The following CRAMP1 variants were observed in gnomAD, a reference collection of about 807,000 sequenced individuals.
CRAMP1 encodes the protein cramped chromatin regulator 1.
CRAMP1 carries 50 observed loss-of-function variants against 115.4 expected under a neutral mutation model. That is an observed-to-expected ratio of 0.43 (90% CI 0.35 to 0.55). The LOEUF is 0.55. Ranked by LOEUF, CRAMP1 falls within the 20% of genes least tolerant of loss-of-function variation. CRAMP1 has a pLI of 0.01. For synonymous variants in CRAMP1, 866 were observed against 745.4 expected (o/e 1.16, Z -2.64); for missense variants, 1,679 against 1,721.7 (o/e 0.98, Z 0.44).
chr16:1,615,259 G>A (rs1030227449), intron 2 of CRAMP1, among the ~76,000 whole-genome samples: 2 of 152,200 alleles, frequency 1.3e-5, no homozygotes, highest in Admixed American at 1.3e-4. Context: ...CCTTTCCAAA[G>A]GATCACTGAT....
chr16:1,668,932 G>A, intron 18 of CRAMP1, 69 bp from the exon 19 acceptor site: 1 of 1,467,190 alleles, frequency 6.8e-7, no homozygotes. Context: ...TCCGTGGTGG[G>A]CTGGAGAAGT....
Position 1,614,851 on chromosome 16 carries a change from C to A in CRAMP1, c.212C>A (p.Pro71Gln), listed in dbSNP as rs2036403746. The A allele has an allele frequency of 3.9e-6, 5 of 1,293,466 alleles. No individual in the cohort carries two copies. The highest frequency in any genetic ancestry group is 7.6e-5 in the Admixed American group (2 of 26,238). The allele number at this position is 1,293,466 out of a possible 1,614,324, so 80.1% of individuals were successfully genotyped here. A position where few individuals can be genotyped will look rare whatever the true frequency, so the allele number is the denominator to read the frequency against. Residue 71 changes from proline (P) to glutamine (Q), a missense_variant, in exon 2 of 21, where the codon CCG (proline) becomes CAG (glutamine). Physicochemically the swap from Pro to Gln is moderately conservative, Grantham distance 76. Coordinates refer to ENST00000397412, the MANE Select transcript of CRAMP1 (RefSeq NM_020825.4). The surrounding 1 kb of genome is among the most constrained non-coding windows in gnomAD (Gnocchi z 4.4). ...CCCGGCGCGCCGCAGGCGCCGTCCCCGCCGCAGGGCAGCCCCCAGGACCAG... is the reference window on the plus strand; with the variant it reads ...CCCGGCGCGCCGCAGGCGCCGTCCCAGCCGCAGGGCAGCCCCCAGGACCAG... ...APPGAPQAPS[P>Q]PQGSPQDQHH...
Position 1,672,072 on chromosome 16 carries a change from C to T in CRAMP1, c.3645+1263C>T, listed in dbSNP as rs1049399508. ...AAGTGCTGGGCTCTGTGGAGATGGG[C>T]GCTGCGTACGTGCCCTGAGGCAGCA... On this transcript the variant is annotated intron_variant, in intron 20 of 20. Transcript: ENST00000397412. This position sits in a 1 kb window ranked among gnomAD's most constrained non-coding sequence, Gnocchi z 4.9. Among the ~76,000 whole-genome samples the T allele has an allele frequency of 4.6e-5, 7 of 152,144 alleles. No homozygotes were observed. Among genetic ancestry groups the T allele is most frequent in the African/African-American group, 7.2e-5 (3 of 41,436 alleles).
chr16:1,639,692 G>A (rs1451020108), intron 5 of CRAMP1, among the ~76,000 whole-genome samples: 2 of 152,124 alleles, frequency 1.3e-5, no homozygotes, highest in African/African-American at 2.4e-5. Flanking sequence ...GTAAATGTCC[G>A]ATTGCTTTCT....
intron 1 of CRAMP1, among the ~76,000 whole-genome samples, chr16:1,613,553 G>A (rs189410953): frequency 6.6e-6 from 1 of 152,264 alleles, no homozygotes; most frequent in African/African-American, 2.4e-5. Context: ...TGCCCGTCCC[G>A]GACTGTTTCT....
intron 6 of CRAMP1, 38 bp downstream of exon 6, chr16:1,641,225 G>A: frequency 6.8e-7 from 1 of 1,471,258 alleles, no homozygotes; most frequent in Non-Finnish European, 9.5e-7. Flanking sequence ...CACTTCTCTG[G>A]GTGTTTTGTG....
chr16:1,659,684 G>A (rs563229804), intron 10 of CRAMP1, among the ~76,000 whole-genome samples: 4 of 152,350 alleles, frequency 2.6e-5, no homozygotes, highest in African/African-American at 9.6e-5. Context: ...ACCGCACCTG[G>A]CCGACCAGTA....
intron 1 of CRAMP1, among the ~76,000 whole-genome samples, chr16:1,613,153 G>A (rs560362225): frequency 6.6e-6 from 1 of 152,296 alleles, no homozygotes; most frequent in East Asian, 1.9e-4. Context: ...AGTGGAAAGA[G>A]GTGGGTTGAG....
At position 1,668,185 on chromosome 16, in the gene CRAMP1, G is replaced by A; in HGVS notation, c.3326G>A (p.Gly1109Asp). Residue 1109 changes from glycine (G) to aspartate (D), a missense_variant, in exon 18 of 21, where the codon GGT becomes GAT. Physicochemically the swap from Gly to Asp is moderately conservative, Grantham distance 94. Coordinates refer to ENST00000397412, the MANE Select transcript of CRAMP1 (RefSeq NM_020825.4). The stretch of plus-strand genomic sequence containing the variant: ...ATCATTGAGATCGCCATCAGCTCCG[G>A]TCAGTACGGTAAGGGCAGGGCGGCC... ...DSIIEIAISS[G>D]QYGEGVPLSP... 6.2e-7 allele frequency: 1 copy of A among 1,612,918 alleles called. No homozygotes were observed. The highest frequency in any genetic ancestry group is 8.5e-7 in the Non-Finnish European group (1 of 1,179,350).
At chr16:1,623,281 G>A (rs186689264) in intron 2 of CRAMP1, among the ~76,000 whole-genome samples, 10 of 152,336 alleles carry the variant, frequency 6.6e-5, no homozygotes, top group South Asian at 4.1e-4. Context: ...AGTGAGTGCC[G>A]CTTCACCAGC....
At position 1,656,542 on chromosome 16, in the gene CRAMP1, C is replaced by T. The variant is rs1048724898; in HGVS notation, c.1785C>T (p.Ala595=). The change falls in exon 10 of 21, where the codon GCC becomes GCT. Residue 595 remains alanine, a synonymous_variant. Coordinates refer to ENST00000397412, the MANE Select transcript of CRAMP1 (RefSeq NM_020825.4). This position sits in a 1 kb window ranked among gnomAD's most constrained non-coding sequence, Gnocchi z 5.6. ...GSEQPPLGGA[A]SPEVLAPVSK... ...AGCAGCCCCCTCTGGGCGGGGCGGC[C>T]TCCCCAGAGGTGCTGGCTCCTGTCA... 10 of 1,558,218 alleles carry T rather than the reference C, an allele frequency of 6.4e-6. No individual in the cohort carries two copies. Among genetic ancestry groups the T allele is most frequent in the Non-Finnish European group, 8.7e-6 (10 of 1,151,834 alleles).
chr16:1,617,144 G>T (rs1452885928), intron 2 of CRAMP1, among the ~76,000 whole-genome samples: 1 of 152,174 alleles, frequency 6.6e-6, no homozygotes, highest in African/African-American at 2.4e-5. Context: ...ATATCTTTAA[G>T]CAAATAATAA....
chr16:1,638,559 T>C (rs2036607117), intron 5 of CRAMP1, among the ~76,000 whole-genome samples: 1 of 152,120 alleles, frequency 6.6e-6, no homozygotes, highest in Non-Finnish European at 1.5e-5. Flanking sequence ...GACCTCTAGG[T>C]AGGGACATTG....
rs1240189083 is a variant in CRAMP1 at position 1,612,432 on chromosome 16, G to C, written c.-227G>C. ...GGCCGGCTTCGCTAGGGTGAGTGGC[G>C]GCAGTATCTGCGTCCGCAGCCCCCG... On this transcript the variant is annotated 5_prime_UTR_variant, in exon 1 of 21. Transcript: ENST00000397412. 6.6e-6 allele frequency: 1 copy of C among 151,420 alleles called. No individual in the cohort carries two copies. The highest frequency in any genetic ancestry group is 1.9e-4 in the East Asian group (1 of 5,162). 9.4% of individuals were successfully genotyped at this position (151,420 alleles called of 1,614,324 possible). A position where few individuals can be genotyped will look rare whatever the true frequency, so the allele number is the denominator to read the frequency against.
rs1285496501 is a variant in CRAMP1 at position 1,670,769 on chromosome 16, G to A, written c.3605G>A (p.Arg1202Gln). 3.7e-6 allele frequency: 6 copies of A among 1,613,878 alleles called. No homozygotes were observed. The highest frequency in any genetic ancestry group is 2.2e-5 in the South Asian group (2 of 91,090). Reference sequence around the variant, plus strand: ...CCCAGCTTGTTGGATGGAAACTCGCGGGACTCATTTGTGTCCAGGTCCCTG... The same window carrying A: ...CCCAGCTTGTTGGATGGAAACTCGCAGGACTCATTTGTGTCCAGGTCCCTG... The part of the protein sequence containing the change: ...LGPSLLDGNS[R>Q]DSFVSRSLAD... The change falls in exon 20 of 21, where the codon CGG (arginine) becomes CAG (glutamine). Residue 1202 changes from arginine (R) to glutamine (Q), a missense_variant. By Grantham distance (43) the Arg-to-Gln change is conservative (BLOSUM62 1). Around this residue, in one of 8 missense-constraint regions of CRAMP1, gnomAD observed 709 missense variants for 741.9 expected, o/e 0.96. Transcript: ENST00000397412.
intron 2 of CRAMP1, chr16:1,620,759 C>T (rs749910475): frequency 4.0e-5 from 18 of 450,134 alleles, no homozygotes; most frequent in Non-Finnish European, 7.2e-5. Flanking sequence ...TCCCCCACCA[C>T]GACCCTGATC....
intron 17 of CRAMP1, 91 bp from the exon 18 acceptor site, chr16:1,667,871 C>T: frequency 1.3e-6 from 1 of 792,618 alleles, no homozygotes; most frequent in Non-Finnish European, 2.1e-6. Context: ...ATTGATTTGC[C>T]TGCAAGCTAG....
rs1038953714 is a variant in CRAMP1, at chr16:1,637,805, C to T, written c.695-19C>T. On this transcript the variant is annotated intron_variant, in intron 4 of 20. Transcript: ENST00000397412. Reference sequence around the variant, plus strand: ...CTCCTGTTCCCCTCTCTAAAGCCGCCTTCTCTTCTGTTTCTCAGTGTTCTC... The same window carrying T: ...CTCCTGTTCCCCTCTCTAAAGCCGCTTTCTCTTCTGTTTCTCAGTGTTCTC... 1.4e-6 allele frequency: 2 copies of T among 1,428,534 alleles called. No homozygotes were observed. The highest frequency in any genetic ancestry group is 1.4e-5 in the African/African-American group (1 of 69,026). The allele number at this position is 1,428,534 out of a possible 1,614,324, so 88.5% of individuals were successfully genotyped here.
intron 3 of CRAMP1, among the ~76,000 whole-genome samples, chr16:1,629,139 G>T (rs1248626837): frequency 6.6e-6 from 1 of 152,202 alleles, no homozygotes; most frequent in African/African-American, 2.4e-5. Flanking sequence ...TTGCCATACA[G>T]TTCTTGATTT....
Sources: allele counts gnomAD v4.1 joint callset (sites outside exome capture counted in the v4.1 genomes callset), GRCh38; gene constraint gnomAD v4.1.1; regional missense constraint gnomAD v4.1.1; non-coding constraint Gnocchi (gnomAD v3.1); transcripts MANE v1.5; gene names NCBI Gene and HGNC (gene_info 2026-07-23, HGNC 2026-07-21).